TRDMT1: variants seen among roughly 807,000 people sequenced by gnomAD.
The protein encoded by TRDMT1 is tRNA (cytosine(38)-C(5))-methyltransferase.
TRDMT1 carries 49 observed loss-of-function variants against 51.2 expected under a neutral mutation model. That is an observed-to-expected ratio of 0.96 (90% CI 0.76 to 1.21). The LOEUF is 1.21. Ranked by LOEUF, TRDMT1 falls within the 50% of genes most tolerant of loss-of-function variation. The pLI is 0.00. For synonymous variants in TRDMT1, 187 were observed against 164.6 expected (o/e 1.14, Z -1.04); for missense variants, 534 against 462.3 (o/e 1.16, Z -1.42).
At position 17,143,919 on chromosome 10, in the gene TRDMT1, A is replaced by G. The variant is rs1016427713; in HGVS notation, c.*5121T>C. The stretch of plus-strand genomic sequence containing the variant: ...TTAGGTTGCAAGCATGCTAAATTTG[A>G]TGCAAATCCGATACAACTTGAATAG... On this transcript the variant is annotated 3_prime_UTR_variant, in exon 11 of 11. Coordinates refer to ENST00000377799, the MANE Select transcript of TRDMT1 (RefSeq NM_004412.7). 10 of 946,430 alleles carry G rather than the reference A, an allele frequency of 1.1e-5. No homozygotes were observed. Among genetic ancestry groups the G allele is most frequent in the Non-Finnish European group, 1.2e-5 (10 of 810,880 alleles). The allele number at this position is 946,430 out of a possible 1,614,324, so 58.6% of individuals were successfully genotyped here. A position where few individuals can be genotyped will look rare whatever the true frequency, so the allele number is the denominator to read the frequency against.
At chr10:17,189,624 C>T (rs11254450) in intron 1 of TRDMT1, among the ~76,000 whole-genome samples, 3,724 of 152,148 alleles carry the variant, frequency 0.024, 137 homozygotes, top group African/African-American at 0.083. Context: ...AACATCCATT[C>T]TGAAGAAGCA....
intron 3 of TRDMT1, among the ~76,000 whole-genome samples, chr10:17,163,937 G>A (rs1278213202): frequency 6.6e-6 from 1 of 152,126 alleles, no homozygotes; most frequent in Admixed American, 6.5e-5. Context: ...TCTACCAGAG[G>A]TACAAAGAGA....
At chr10:17,156,528 C>G (rs1839536771) in intron 8 of TRDMT1, among the ~76,000 whole-genome samples, 1 of 152,090 alleles carries the variant, frequency 6.6e-6, no homozygotes, top group Non-Finnish European at 1.5e-5. Context: ...AGCCAGCGTG[C>G]CCGGCCAAAA....
chr10:17,189,155 T>C (rs1027083553), intron 1 of TRDMT1, among the ~76,000 whole-genome samples: 5 of 152,188 alleles, frequency 3.3e-5, no homozygotes, highest in Non-Finnish European at 7.4e-5. Flanking sequence ...CTTTCTGAAG[T>C]ATAATTTTTC....
In TRDMT1 at chr10:17,147,011, A is replaced by T; in HGVS notation, c.*2029T>A. The T allele has an allele frequency of 2.0e-6, 2 of 985,590 alleles. No individual in the cohort carries two copies. The highest frequency in any genetic ancestry group is 2.4e-6 in the Non-Finnish European group (2 of 829,936). The allele number at this position is 985,590 out of a possible 1,614,324, so 61.1% of individuals were successfully genotyped here. On this transcript the variant is annotated 3_prime_UTR_variant, in exon 11 of 11. Coordinates refer to ENST00000377799, the MANE Select transcript of TRDMT1 (RefSeq NM_004412.7). ...TCCACTAAGCTACATTCTGTCTACCAGTTTGTAAGCAAATGTCTCTACAGA... is the reference window on the plus strand; with the variant it reads ...TCCACTAAGCTACATTCTGTCTACCTGTTTGTAAGCAAATGTCTCTACAGA...
chr10:17,198,230 G>A (rs754023184), intron 1 of TRDMT1, among the ~76,000 whole-genome samples: 11 of 152,124 alleles, frequency 7.2e-5, no homozygotes, highest in Admixed American at 1.3e-4. Context: ...CCGCTGCTGC[G>A]GAAAACAGGC....
At chr10:17,158,445 CTA>C (rs1839861187) in intron 7 of TRDMT1, among the ~76,000 whole-genome samples, 1 of 152,058 alleles carries the variant, frequency 6.6e-6, no homozygotes, top group African/African-American at 2.4e-5. Context: ...GAATTGGCTA[CTA>C]TGGAAAGGGA....
rs1324875253 is a variant in TRDMT1 at position 17,169,160 on chromosome 10, G to T, written c.175-243C>A. 1.4e-5 allele frequency: 7 copies of T among 514,770 alleles called. No individual in the cohort carries two copies. The African/African-American group carries it at 1.4e-4, about 10-fold the overall frequency. The allele number at this position is 514,770 out of a possible 1,614,324, so 31.9% of individuals were successfully genotyped here. A position where few individuals can be genotyped will look rare whatever the true frequency, so the allele number is the denominator to read the frequency against. ...AGGTCCCAGCACCAGCCCAGAGCTG[G>T]AACAGTTGTTTCCTGGATCCTAAGC... On this transcript the variant is annotated intron_variant, in intron 2 of 10. Transcript: ENST00000377799.
rs772222693 is a variant in TRDMT1 at position 17,139,110 on chromosome 10, T to G, written c.*9930A>C. On this transcript the variant is annotated 3_prime_UTR_variant, in exon 11 of 11. Coordinates refer to ENST00000377799, the MANE Select transcript of TRDMT1 (RefSeq NM_004412.7). ...CGGAATGGGGACTTCAGCAGCTCCATTGGATTAATCCAAGCTTGGTTTCCA... is the reference window on the plus strand; with the variant it reads ...CGGAATGGGGACTTCAGCAGCTCCAGTGGATTAATCCAAGCTTGGTTTCCA... 6 of 933,582 alleles carry G rather than the reference T, an allele frequency of 6.4e-6. No individual in the cohort carries two copies. In the African/African-American group the frequency reaches 1.1e-4, roughly 17 times the overall value. 57.8% of individuals were successfully genotyped at this position (933,582 alleles called of 1,614,324 possible).
rs927276931 is a variant in TRDMT1, at chr10:17,140,400, C to A, written c.*8640G>T. Among the ~76,000 whole-genome samples, 2 of 151,944 alleles carry A rather than the reference C, an allele frequency of 1.3e-5. No individual in the cohort carries two copies. The highest frequency in any genetic ancestry group is 2.4e-5 in the African/African-American group (1 of 41,358). ...AGAATTATTCAAACAATCCCCCAAG[C>A]CATGAAAGAACCTACAATTCTATTA... is the stretch of plus-strand genomic sequence containing the variant. On this transcript the variant is annotated 3_prime_UTR_variant, in exon 11 of 11. Transcript: ENST00000377799.
chr10:17,151,375 G>C, intron 10 of TRDMT1: 2 of 985,136 alleles, frequency 2.0e-6, no homozygotes, highest in South Asian at 9.4e-5. Context: ...TTCTTCAAAA[G>C]CCCGCTACCG....
At chr10:17,196,779 G>T (rs1178220258) in intron 1 of TRDMT1, among the ~76,000 whole-genome samples, 2 of 152,124 alleles carry the variant, frequency 1.3e-5, no homozygotes, top group African/African-American at 2.4e-5. Context: ...TCTGGCCGTG[G>T]TATCTAGTGT....
Position 17,153,306 on chromosome 10 carries a change from G to C in TRDMT1, c.1075+201C>G, listed in dbSNP as rs180956024. On this transcript the variant is annotated intron_variant, in intron 10 of 10. Transcript: ENST00000377799. Reference sequence around the variant, plus strand: ...TGTGACCCACTACTGGAGTTAGAGAGGGGGAGAATGAGTCAGTAGAGAACC... The same window carrying C: ...TGTGACCCACTACTGGAGTTAGAGACGGGGAGAATGAGTCAGTAGAGAACC... The C allele has an allele frequency of 6.1e-4, 365 of 594,784 alleles. 2 individuals are homozygous for C. The highest frequency in any genetic ancestry group is 4.6e-3 in the Middle Eastern group (16 of 3,512). 36.8% of individuals were successfully genotyped at this position (594,784 alleles called of 1,614,324 possible).
At chr10:17,150,021 C>A (rs536352841) in intron 10 of TRDMT1, among the ~76,000 whole-genome samples, 1 of 152,180 alleles carries the variant, frequency 6.6e-6, no homozygotes, top group African/African-American at 2.4e-5. Context: ...CTGGGTCACA[C>A]ACTAACTCTA....
At position 17,188,549 on chromosome 10, in the gene TRDMT1, A is replaced by G. The variant is rs530390011; in HGVS notation, c.64+13022T>C. On this transcript the variant is annotated intron_variant, in intron 1 of 10. Coordinates refer to ENST00000377799, the MANE Select transcript of TRDMT1 (RefSeq NM_004412.7). The stretch of plus-strand genomic sequence containing the variant: ...CTTCACACAAGGAGAAGCCTCCAAC[A>G]TATTTTATACAGCACTATCTTAGCA... 2.6e-5 allele frequency among the ~76,000 whole-genome samples: 4 copies of G among 152,296 alleles called. No homozygotes were observed. The East Asian group carries it at 5.8e-4, about 22-fold the overall frequency.
In TRDMT1 at chr10:17,145,958, T is replaced by C; in HGVS notation, c.*3082A>G. On this transcript the variant is annotated 3_prime_UTR_variant, in exon 11 of 11. Transcript: ENST00000377799. ...CAGCTTAATCACTCTAGACCTCAAC[T>C]AGGTTGAGATGGGAGCAAAAACCCA... is the stretch of plus-strand genomic sequence containing the variant. 1.0e-6 allele frequency: 1 copy of C among 985,414 alleles called. No homozygotes were observed. Among genetic ancestry groups the C allele is most frequent in the Non-Finnish European group, 1.2e-6 (1 of 829,918 alleles). 61.0% of individuals were successfully genotyped at this position (985,414 alleles called of 1,614,324 possible). A position where few individuals can be genotyped will look rare whatever the true frequency, so the allele number is the denominator to read the frequency against.
chr10:17,169,286 T>C (rs751205002), intron 2 of TRDMT1: 70 of 1,128,636 alleles, frequency 6.2e-5, no homozygotes, highest in Non-Finnish European at 7.7e-5. Flanking sequence ...GGAGATGGGG[T>C]CTAGGAAATT....
In TRDMT1 at chr10:17,146,454, C is replaced by A. The variant is rs61841764; in HGVS notation, c.*2586G>T. 1 of 985,414 alleles carries A rather than the reference C, an allele frequency of 1.0e-6. No individual in the cohort carries two copies. The highest frequency in any genetic ancestry group is 1.2e-6 in the Non-Finnish European group (1 of 829,932). The allele number at this position is 985,414 out of a possible 1,614,324, so 61.0% of individuals were successfully genotyped here. A position where few individuals can be genotyped will look rare whatever the true frequency, so the allele number is the denominator to read the frequency against. ...GACCCCTCCTACAATGACTACCCAC[C>A]TCTTCGAAATCATTTTCCAACTATG... On this transcript the variant is annotated 3_prime_UTR_variant, in exon 11 of 11. Transcript: ENST00000377799.
rs1327423523 is a variant in TRDMT1 at position 17,143,885 on chromosome 10, G to A, written c.*5155C>T. ...TCAAGAGTGGAACTGACTATAGAAT[G>A]GAGTGTGCTTAGGTTGCAAGCATGC... On this transcript the variant is annotated 3_prime_UTR_variant, in exon 11 of 11. Coordinates refer to ENST00000377799, the MANE Select transcript of TRDMT1 (RefSeq NM_004412.7). The A allele has an allele frequency of 3.0e-6, 3 of 984,974 alleles. No individual in the cohort carries two copies. The highest frequency in any genetic ancestry group is 3.6e-6 in the Non-Finnish European group (3 of 829,858). 61.0% of individuals were successfully genotyped at this position (984,974 alleles called of 1,614,324 possible). A position where few individuals can be genotyped will look rare whatever the true frequency, so the allele number is the denominator to read the frequency against.
Sources: gnomAD v4.1 joint callset for allele counts (sites outside exome capture counted in the v4.1 genomes callset) on GRCh38, gnomAD v4.1.1 for gene constraint, MANE v1.5 for transcripts, NCBI Gene and HGNC (gene_info 2026-07-23, HGNC 2026-07-21) for gene names.